The following WWC1 variants were observed in gnomAD, a reference collection of about 807,000 sequenced individuals.
WWC1 encodes protein KIBRA.
In WWC1, 55 loss-of-function variants were observed where a neutral mutation model predicts 138.4. That is an observed-to-expected ratio of 0.40 (90% CI 0.32 to 0.50). WWC1 has a LOEUF of 0.50. Among genes scored for constraint, WWC1 ranks in the 20% least tolerant of loss-of-function variants. The pLI, the probability that WWC1 is intolerant of heterozygous loss-of-function variation, is 0.72. For missense variants in WWC1, 1,226 were observed against 1,420.4 expected (o/e 0.86, Z 2.20); for synonymous variants, 524 against 564.9 (o/e 0.93, Z 1.03).
chr5:168,378,833 G>A (rs1777418279), intron 2 of WWC1, among the ~76,000 whole-genome samples: 1 of 152,202 alleles, frequency 6.6e-6, no homozygotes, highest in Admixed American at 6.5e-5. Flanking sequence ...TAGTAACAAG[G>A]TTGAATATTC....
At chr5:168,392,523 C>CA (rs1778581970) in intron 3 of WWC1, among the ~76,000 whole-genome samples, 1 of 151,986 alleles carries the variant, frequency 6.6e-6, no homozygotes, top group African/African-American at 2.4e-5. Flanking sequence ...CCCAACTCTA[C>CA]AAAAAATTTA....
intron 2 of WWC1, among the ~76,000 whole-genome samples, chr5:168,382,119 T>C (rs1462593742): frequency 6.6e-6 from 1 of 152,138 alleles, no homozygotes; most frequent in Non-Finnish European, 1.5e-5. Flanking sequence ...CCCATCGAGG[T>C]CTGGTTAAAT....
intron 17 of WWC1, among the ~76,000 whole-genome samples, chr5:168,450,778 CAA>C (rs1755725920): frequency 6.6e-6 from 1 of 151,938 alleles, no homozygotes. Context: ...TTGAGGTAGG[CAA>C]AGATTTCTTA....
At chr5:168,358,363 C>A (rs1582026526) in intron 1 of WWC1, among the ~76,000 whole-genome samples, 1 of 152,156 alleles carries the variant, frequency 6.6e-6, no homozygotes, top group East Asian at 1.9e-4. Context: ...ACCTGAGTGT[C>A]CAGAAGGATC....
rs533608990 is a variant in WWC1, at chr5:168,390,539, T to G, written c.433+5125T>G. Among the ~76,000 whole-genome samples the G allele has an allele frequency of 7.2e-5, 11 of 152,312 alleles. No individual in the cohort carries two copies. In the East Asian group the frequency reaches 1.9e-3, roughly 27 times the overall value. The stretch of plus-strand genomic sequence containing the variant: ...GATTCAAACCACACAGAAACTGGGA[T>G]TCCCCCAGCCCAAGCATCCCAGTTA... On this transcript the variant is annotated intron_variant, in intron 3 of 22. Transcript: ENST00000265293.
chr5:168,410,084 C>T (rs1390210363), intron 8 of WWC1, 89 bp downstream of exon 8: 2 of 1,230,160 alleles, frequency 1.6e-6, no homozygotes, highest in Admixed American at 3.4e-5. Flanking sequence ...TTTTCACACA[C>T]TTCGTCTTCT....
At chr5:168,402,349 T>A (rs954733478) in intron 5 of WWC1, among the ~76,000 whole-genome samples, 34 of 152,178 alleles carry the variant, frequency 2.2e-4, no homozygotes, top group African/African-American at 8.2e-4. Context: ...AAATCCCAGT[T>A]CCCTGGGTCC....
intron 1 of WWC1, among the ~76,000 whole-genome samples, chr5:168,358,760 A>G (rs1405185950): frequency 2.6e-5 from 4 of 151,952 alleles, no homozygotes; most frequent in Non-Finnish European, 1.5e-5. Context: ...ATGTGTTTAA[A>G]CAATTTTATG....
At chr5:168,400,819 TGAGAGAGAGAGA>T (rs150418543) in intron 5 of WWC1, among the ~76,000 whole-genome samples, 1 of 103,198 alleles carries the variant, frequency 9.7e-6, no homozygotes, top group Non-Finnish European at 1.9e-5. Context: ...CTTGAAAGAA[TGAGAGAGAGAGA>T]GAGAGAGAGA....
At chr5:168,308,524 CA>C (rs1770782799) in intron 1 of WWC1, among the ~76,000 whole-genome samples, 1 of 152,134 alleles carries the variant, frequency 6.6e-6, no homozygotes, top group South Asian at 2.1e-4. Context: ...TTATTGGCAA[CA>C]AGCAATGTTT....
At chr5:168,394,443 G>A (rs1379469633) in intron 3 of WWC1, among the ~76,000 whole-genome samples, 1 of 152,110 alleles carries the variant, frequency 6.6e-6, no homozygotes, top group African/African-American at 2.4e-5. Context: ...TTCTTGTAGC[G>A]GGGCCGGGCG....
At chr5:168,429,306 T>G (rs928829639) in intron 13 of WWC1, among the ~76,000 whole-genome samples, 10 of 147,020 alleles carry the variant, frequency 6.8e-5, no homozygotes, top group African/African-American at 2.5e-4. Flanking sequence ...TCACCCAGGC[T>G]GGAGTGCAGT....
intron 17 of WWC1, among the ~76,000 whole-genome samples, chr5:168,451,072 G>C (rs1298814818): frequency 2.7e-5 from 2 of 74,164 alleles, no homozygotes; most frequent in African/African-American, 6.7e-5. Flanking sequence ...CTGCGATCTC[G>C]GCTCACTGCA....
chr5:168,388,700 C>T (rs1778229137), intron 3 of WWC1, among the ~76,000 whole-genome samples: 2 of 151,788 alleles, frequency 1.3e-5, no homozygotes, highest in Non-Finnish European at 2.9e-5. Flanking sequence ...CGTGGTGGCA[C>T]GTGCCTGTAA....
At chr5:168,439,493 C>T (rs975343218) in intron 15 of WWC1, among the ~76,000 whole-genome samples, 3 of 150,530 alleles carry the variant, frequency 2.0e-5, no homozygotes, top group East Asian at 1.9e-4. Context: ...AAAGGCCAGG[C>T]GTGGTGGCAC....
At position 168,430,079 on chromosome 5, in the gene WWC1, G is replaced by A. The variant is rs1781824924; in HGVS notation, c.2001-58G>A. ...TCCTGTGACTTTTAATGGAGAGAAG[G>A]AATGAGAGAGATGAGTGTGTTACTA... On this transcript the variant is annotated intron_variant, in intron 13 of 22. Coordinates refer to ENST00000265293, the MANE Select transcript of WWC1 (RefSeq NM_015238.3). 4.4e-5 allele frequency: 60 copies of A among 1,364,380 alleles called. No homozygotes were observed. The South Asian group carries it at 7.0e-4, about 16-fold the overall frequency. 84.5% of individuals were successfully genotyped at this position (1,364,380 alleles called of 1,614,324 possible).
intron 2 of WWC1, among the ~76,000 whole-genome samples, chr5:168,381,068 A>T (rs2152815544): frequency 6.6e-6 from 1 of 152,226 alleles, no homozygotes; most frequent in African/African-American, 2.4e-5. Context: ...ATTCAGTGGA[A>T]ATCTCTCGGG....
At chr5:168,448,729 A>G (rs572798133) in intron 17 of WWC1, among the ~76,000 whole-genome samples, 57 of 147,542 alleles carry the variant, frequency 3.9e-4, no homozygotes, top group Admixed American at 1.8e-3. Flanking sequence ...CGCCATTCTC[A>G]TGCCTCATCC....
At chr5:168,386,406 C>G (rs1017164966) in intron 3 of WWC1, among the ~76,000 whole-genome samples, 1 of 128,836 alleles carries the variant, frequency 7.8e-6, no homozygotes, top group Non-Finnish European at 1.7e-5. Flanking sequence ...TCTTTTTTTT[C>G]TTTTGAGACG....
Sources: allele counts gnomAD v4.1 joint callset (sites outside exome capture counted in the v4.1 genomes callset), GRCh38; gene constraint gnomAD v4.1.1; transcripts MANE v1.5; gene names NCBI Gene and HGNC (gene_info 2026-07-23, HGNC 2026-07-21).